INTS7: variants seen among roughly 807,000 people sequenced by gnomAD.
The protein encoded by INTS7 is integrator complex subunit 7, also known as chromosome 1 open reading frame 73.
In INTS7, 46 loss-of-function variants were observed where a neutral mutation model predicts 109.2. The ratio of observed to expected loss-of-function variants is 0.42; its 90% CI spans 0.33 to 0.54. The LOEUF (loss-of-function observed/expected upper bound fraction) is 0.54, where lower values mean the gene tolerates loss of function less well. INTS7 is among the 20% of genes least tolerant of loss of function. INTS7 has a pLI of 0.07. For missense variants in INTS7, 929 were observed against 1,132.4 expected, an observed-to-expected ratio of 0.82 and a Z score of 2.58; for synonymous variants, 412 against 402.9, an observed-to-expected ratio of 1.02 and a Z score of -0.27.
chr1:212,012,681 A>G (rs1391276944), intron 4 of INTS7, among the ~76,000 whole-genome samples: 1 of 152,212 alleles, frequency 6.6e-6, no homozygotes, highest in East Asian at 1.9e-4. Flanking sequence ...GTTTCTACAT[A>G]AACTGCTAAT....
At chr1:212,011,235 A>G (rs1666155320) in intron 5 of INTS7, 140 bp downstream of exon 5, 2 of 584,270 alleles carry the variant, frequency 3.4e-6, no homozygotes, top group African/African-American at 3.8e-5. Context: ...AGCATTTAGA[A>G]CAGTTTGGGC....
intron 16 of INTS7, 136 bp from the exon 17 acceptor site, chr1:211,952,837 T>C (rs1452369864): frequency 3.4e-6 from 3 of 878,976 alleles, no homozygotes; most frequent in Non-Finnish European, 5.1e-6. Flanking sequence ...GGTGAGAAAA[T>C]TGAGGCTAGG....
intron 3 of INTS7, among the ~76,000 whole-genome samples, chr1:212,018,438 G>C (rs936785430): frequency 3.3e-5 from 5 of 151,222 alleles, no homozygotes; most frequent in South Asian, 2.1e-4. Context: ...ATTCAGGCTA[G>C]CTCTAAATTA....
chr1:211,945,118 G>C (rs1647974327), intron 18 of INTS7, 149 bp from the exon 19 acceptor site: 2 of 653,334 alleles, frequency 3.1e-6, no homozygotes, highest in Admixed American at 2.9e-5. Flanking sequence ...AGGACAACGA[G>C]ACAGATGTAC....
At position 212,020,122 on chromosome 1, in the gene INTS7, C is replaced by T. The variant is rs1277210040; in HGVS notation, c.371G>A (p.Arg124Gln). Residue 124 changes from arginine (R) to glutamine (Q), a missense_variant and splice_region_variant, in exon 3 of 20, where the codon CGG becomes CAG. Physicochemically the swap from Arg to Gln is conservative, Grantham distance 43. Transcript: ENST00000366994. ...NDPVARAITL[R>Q]MLGSLASIIP... ...TGAATTATTATAATACGGTATATAC[C>T]GGAGGGTGATGGCTCTTGCCACAGG... 5.7e-6 allele frequency: 9 copies of T among 1,591,898 alleles called. No homozygotes were observed. Among genetic ancestry groups the T allele is most frequent in the Non-Finnish European group, 7.7e-6 (9 of 1,168,608 alleles).
At chr1:211,979,030 C>T (rs1048464388) in intron 10 of INTS7, among the ~76,000 whole-genome samples, 2 of 152,138 alleles carry the variant, frequency 1.3e-5, no homozygotes, top group Non-Finnish European at 2.9e-5. Flanking sequence ...TCCCAATTTT[C>T]TCTTATTTCT....
intron 13 of INTS7, among the ~76,000 whole-genome samples, chr1:211,971,353 T>C (rs931148654): frequency 1.3e-5 from 2 of 152,226 alleles, no homozygotes; most frequent in Non-Finnish European, 2.9e-5. Flanking sequence ...TTCAGAGCAG[T>C]ATGTTGGTAA....
At chr1:212,034,793 C>G (rs780399183) in intron 1 of INTS7, among the ~76,000 whole-genome samples, 30 of 152,196 alleles carry the variant, frequency 2.0e-4, no homozygotes, top group Admixed American at 4.6e-4. Context: ...AAAGCTCCCT[C>G]TACACCAAGC....
intron 1 of INTS7, among the ~76,000 whole-genome samples, 193 bp from the exon 2 acceptor site, chr1:212,021,405 G>A (rs955181837): frequency 6.6e-6 from 1 of 151,794 alleles, no homozygotes; most frequent in Non-Finnish European, 1.5e-5. Context: ...GCTACTTTTA[G>A]ATACATAATA....
intron 8 of INTS7, 79 bp from the exon 9 acceptor site, chr1:211,982,889 T>A: frequency 8.7e-7 from 1 of 1,146,126 alleles, no homozygotes; most frequent in Non-Finnish European, 1.2e-6. Context: ...TCAATTTTCT[T>A]AATTTTTGAG....
intron 7 of INTS7, among the ~76,000 whole-genome samples, chr1:211,989,587 C>T (rs889679722): frequency 6.6e-5 from 10 of 151,816 alleles, no homozygotes; most frequent in Admixed American, 2.6e-4. Flanking sequence ...TTTGGGAGGC[C>T]GAGGCAGGAG....
chr1:212,022,917 T>TA (rs1164570798), intron 1 of INTS7, among the ~76,000 whole-genome samples: 3 of 152,136 alleles, frequency 2.0e-5, no homozygotes, highest in African/African-American at 7.2e-5. Flanking sequence ...TCCCTACTTT[T>TA]AAAAGTCCCC....
chr1:212,032,722 G>A (rs995515921), intron 1 of INTS7, among the ~76,000 whole-genome samples: 113 of 152,124 alleles, frequency 7.4e-4, no homozygotes, highest in Admixed American at 2.3e-3. Flanking sequence ...TTCGTGATCC[G>A]CCCGCCTCAG....
intron 16 of INTS7, among the ~76,000 whole-genome samples, chr1:211,958,968 G>A (rs1663487219): frequency 6.6e-6 from 1 of 152,170 alleles, no homozygotes; most frequent in South Asian, 2.1e-4. Flanking sequence ...GGGCTGAAGG[G>A]GAGGAAGCTG....
intron 16 of INTS7, chr1:211,966,093 T>A (rs1663865738): frequency 6.0e-6 from 1 of 165,950 alleles, no homozygotes; most frequent in Non-Finnish European, 1.3e-5. Flanking sequence ...CAGGGATATT[T>A]TGGTTTAAGA....
chr1:211,970,029 A>AT (rs1011545856), intron 13 of INTS7, among the ~76,000 whole-genome samples: 91 of 151,374 alleles, frequency 6.0e-4, no homozygotes, highest in African/African-American at 1.7e-3. Context: ...TGCCCAGCTA[A>AT]TTTTTTTTTG....
intron 8 of INTS7, 23 bp from the exon 9 acceptor site, chr1:211,982,833 T>C (rs71646136): frequency 0.021 from 32,685 of 1,580,586 alleles, 438 homozygotes; most frequent in Middle Eastern, 0.039. Flanking sequence ...AGAAAAGTAG[T>C]AGAAATTGTA....
chr1:212,006,661 G>C lies in INTS7; in HGVS notation c.857C>G (p.Thr286Ser). Residue 286 changes from threonine (T) to serine (S), a missense_variant, in exon 7 of 20, where the codon ACT becomes AGT. Coordinates refer to ENST00000366994, the MANE Select transcript of INTS7 (RefSeq NM_015434.4). Reference sequence around the variant, plus strand: ...TACCTGAATATTCTCCCTACTCCAAGTATGTGGTGTTTTATTAGCAAGTAA... The same window carrying C: ...TACCTGAATATTCTCCCTACTCCAACTATGTGGTGTTTTATTAGCAAGTAA... ...LKLLANKTPH[T>S]WSRENIQALC... The C allele has an allele frequency of 6.4e-7, 1 of 1,566,760 alleles. No homozygotes were observed. The highest frequency in any genetic ancestry group is 8.8e-7 in the Non-Finnish European group (1 of 1,140,124).
intron 8 of INTS7, among the ~76,000 whole-genome samples, chr1:211,983,646 T>G (rs771324544): frequency 1.3e-4 from 20 of 152,200 alleles, no homozygotes; most frequent in Non-Finnish European, 2.8e-4. Context: ...TTTTCCATGA[T>G]TCTCGTCAAC....
Sources: gnomAD v4.1 joint callset for allele counts (sites outside exome capture counted in the v4.1 genomes callset) on GRCh38, gnomAD v4.1.1 for gene constraint, MANE v1.5 for transcripts, NCBI Gene and HGNC (gene_info 2026-07-23, HGNC 2026-07-21) for gene names.